CCDC73: variants seen among roughly 807,000 people sequenced by gnomAD.
The protein encoded by CCDC73 is coiled-coil domain containing 73, also known as coiled-coil domain-containing protein 73.
Under a neutral mutation model 116.5 loss-of-function variants are expected in CCDC73, and 95 were observed. The observed-to-expected ratio is 0.82, with a 90% CI of 0.69 to 0.97. The LOEUF (loss-of-function observed/expected upper bound fraction) is 0.97, where lower values mean the gene tolerates loss of function less well. Among genes scored for constraint, CCDC73 ranks in the 50% least tolerant of loss-of-function variants. The pLI, the probability that CCDC73 is intolerant of heterozygous loss-of-function variation, is 0.00. For synonymous variants in CCDC73, 398 were observed against 401.3 expected, an observed-to-expected ratio of 0.99 and a Z score of 0.10; for missense variants, 1,066 against 1,206.8, an observed-to-expected ratio of 0.88 and a Z score of 1.73.
chr11:32,709,595 C>T (rs966387871), intron 3 of CCDC73, among the ~76,000 whole-genome samples: 1 of 152,120 alleles, frequency 6.6e-6, no homozygotes, highest in Non-Finnish European at 1.5e-5. Flanking sequence ...CATGCACAGC[C>T]TGCTGTTGGA....
At chr11:32,765,099 C>T (rs971418990) in intron 1 of CCDC73, among the ~76,000 whole-genome samples, 5 of 152,182 alleles carry the variant, frequency 3.3e-5, no homozygotes, top group African/African-American at 9.7e-5. Context: ...TACAGGATCA[C>T]CCAGATTCAT....
intron 6 of CCDC73, among the ~76,000 whole-genome samples, chr11:32,688,956 C>T (rs1461166125): frequency 6.6e-6 from 1 of 152,168 alleles, no homozygotes; most frequent in African/African-American, 2.4e-5. Flanking sequence ...GAAACCCCTA[C>T]ATACAGATAT....
chr11:32,630,520 T>C (rs143704577), intron 14 of CCDC73, among the ~76,000 whole-genome samples: 1 of 152,256 alleles, frequency 6.6e-6, no homozygotes, highest in African/African-American at 2.4e-5. Context: ...AGTTTTGCAT[T>C]TTGGTAGAGA....
chr11:32,719,395 A>T (rs1337064361), intron 2 of CCDC73, among the ~76,000 whole-genome samples: 1 of 152,198 alleles, frequency 6.6e-6, no homozygotes, highest in Admixed American at 6.5e-5. Flanking sequence ...GCTGACCACT[A>T]ATATAACAGC....
At chr11:32,740,331 T>C (rs1442013771) in intron 2 of CCDC73, among the ~76,000 whole-genome samples, 2 of 152,068 alleles carry the variant, frequency 1.3e-5, no homozygotes, top group Non-Finnish European at 2.9e-5. Context: ...CCAGGCTTTT[T>C]CTTTGCTGGG....
intron 3 of CCDC73, among the ~76,000 whole-genome samples, chr11:32,705,526 C>T (rs954612756): frequency 6.6e-6 from 1 of 152,194 alleles, no homozygotes; most frequent in Non-Finnish European, 1.5e-5. Flanking sequence ...CCCACGCTCA[C>T]TCGCTCACAC....
chr11:32,617,921 C>T (rs773492756), intron 14 of CCDC73, among the ~76,000 whole-genome samples: 5 of 152,070 alleles, frequency 3.3e-5, no homozygotes, highest in Admixed American at 1.3e-4. Context: ...TATACATGTG[C>T]AGGTTGGTTA....
chr11:32,743,990 T>G (rs1291112800), intron 2 of CCDC73, among the ~76,000 whole-genome samples: 3 of 152,214 alleles, frequency 2.0e-5, no homozygotes, highest in Non-Finnish European at 2.9e-5. Flanking sequence ...TATGCCAGTT[T>G]TCAAAGGGAA....
In CCDC73 at chr11:32,758,669, T is replaced by G. The variant is rs1164106763; in HGVS notation, c.135+1440A>C. The G allele has an allele frequency of 1.0e-4, 26 of 247,862 alleles. No homozygotes were observed. The South Asian group carries it at 1.2e-3, about 12-fold the overall frequency. The allele number at this position is 247,862 out of a possible 1,614,324, so 15.4% of individuals were successfully genotyped here. The stretch of plus-strand genomic sequence containing the variant: ...AAGAAAAAAAAAACGCTATTCCTTT[T>G]CTAATCTGAAATTTTTCAGAAAATT... On this transcript the variant is annotated intron_variant, in intron 2 of 17. Transcript: ENST00000335185.
At chr11:32,776,551 C>T (rs369832303) in intron 1 of CCDC73, among the ~76,000 whole-genome samples, 1 of 152,070 alleles carries the variant, frequency 6.6e-6, no homozygotes, top group East Asian at 1.9e-4. Context: ...TTTTTTTACT[C>T]ACTCCACTTA....
intron 12 of CCDC73, among the ~76,000 whole-genome samples, chr11:32,647,238 A>G (rs201866): frequency 0.44 from 67,001 of 152,020 alleles, 15,276 homozygotes; most frequent in African/African-American, 0.51. Context: ...GCTTTTACTC[A>G]TGGTGGAAGG....
chr11:32,708,879 T>C (rs1440659374), intron 3 of CCDC73, among the ~76,000 whole-genome samples: 2 of 151,878 alleles, frequency 1.3e-5, no homozygotes, highest in African/African-American at 2.4e-5. Flanking sequence ...TGACTTTCTC[T>C]TTACCAATTT....
rs1430459155 is a variant in CCDC73, at chr11:32,613,649, G to A, written c.2669C>T (p.Thr890Ile). The change falls in exon 16 of 18, where the codon ACT (threonine) becomes ATT (isoleucine). Residue 890 changes from threonine (T) to isoleucine (I), a missense_variant. By Grantham distance (89) the Thr-to-Ile change is moderately conservative. Coordinates refer to ENST00000335185, the MANE Select transcript of CCDC73 (RefSeq NM_001008391.4). ...AGTTTTCTCAGTTTTTTTATCTGAA[G>A]TTGAAAGATCAAAGGTTGACCTTCC... is the stretch of plus-strand genomic sequence containing the variant. ...RSGRSTFDLS[T>I]SDKKTEKTPV... 2 of 1,614,022 alleles carry A rather than the reference G, an allele frequency of 1.2e-6. No homozygotes were observed. Among genetic ancestry groups the A allele is most frequent in the South Asian group, 2.2e-5 (2 of 91,072 alleles).
At chr11:32,793,116 C>A (rs1850691375) in intron 1 of CCDC73, among the ~76,000 whole-genome samples, 1 of 152,194 alleles carries the variant, frequency 6.6e-6, no homozygotes, top group Admixed American at 6.5e-5. Flanking sequence ...CCTGACACTA[C>A]GATATGAAGC....
chr11:32,755,897 A>C lies in CCDC73; in HGVS notation c.135+4212T>G. On this transcript the variant is annotated intron_variant, in intron 2 of 17. Transcript: ENST00000335185. ...TATATATCTGTGTATATATCTCCAT[A>C]TATATCTATATATATCTCCATATAT... Among the ~76,000 whole-genome samples, 2 of 89,452 alleles carry C rather than the reference A, an allele frequency of 2.2e-5. 1 individual carries two copies. Among genetic ancestry groups the C allele is most frequent in the African/African-American group, 8.9e-5 (2 of 22,516 alleles). 58.7% of individuals were successfully genotyped at this position (89,452 alleles called of 152,430 possible). A position where few individuals can be genotyped will look rare whatever the true frequency, so the allele number is the denominator to read the frequency against.
At chr11:32,794,069 C>G (rs182224059) in intron 1 of CCDC73, among the ~76,000 whole-genome samples, 1 of 152,278 alleles carries the variant, frequency 6.6e-6, no homozygotes, top group Admixed American at 6.5e-5. Context: ...TGGGAATTTA[C>G]ACACTTCTGC....
chr11:32,783,793 AT>A (rs1386935859), intron 1 of CCDC73, among the ~76,000 whole-genome samples: 2 of 152,162 alleles, frequency 1.3e-5, no homozygotes, highest in Non-Finnish European at 2.9e-5. Flanking sequence ...ACAAATATTT[AT>A]TCTATAGCAA....
chr11:32,701,645 G>A (rs1411190377), intron 4 of CCDC73, among the ~76,000 whole-genome samples: 3 of 152,016 alleles, frequency 2.0e-5, no homozygotes, highest in Non-Finnish European at 2.9e-5. Context: ...CTGAGATCAC[G>A]CTACTGCACT....
rs1460919022 is a variant in CCDC73 at position 32,603,081 on chromosome 11, G to A, written c.3031-61C>T. 9.0e-6 allele frequency: 12 copies of A among 1,339,744 alleles called. No homozygotes were observed. In the East Asian group the frequency reaches 2.5e-4, roughly 28 times the overall value. The allele number at this position is 1,339,744 out of a possible 1,614,324, so 83.0% of individuals were successfully genotyped here. On this transcript the variant is annotated intron_variant, in intron 17 of 17. Coordinates refer to ENST00000335185, the MANE Select transcript of CCDC73 (RefSeq NM_001008391.4). Reference sequence around the variant, plus strand: ...TTATACAAAAGATTTTAAAGAGTCTGTAAAGCCTCTGCAGTTATGAGTATG... The same window carrying A: ...TTATACAAAAGATTTTAAAGAGTCTATAAAGCCTCTGCAGTTATGAGTATG...
Sources: gnomAD v4.1 joint callset for allele counts (sites outside exome capture counted in the v4.1 genomes callset) on GRCh38, gnomAD v4.1.1 for gene constraint, MANE v1.5 for transcripts, NCBI Gene and HGNC (gene_info 2026-07-23, HGNC 2026-07-21) for gene names.